Variants in DNM3 observed in about 807,000 individuals in gnomAD.
The protein encoded by DNM3 is dynamin 3, also known as dynamin-3.
DNM3 carries 47 observed loss-of-function variants against 101.6 expected under a neutral mutation model. That is an observed-to-expected ratio of 0.46 (90% CI 0.37 to 0.59). The LOEUF (loss-of-function observed/expected upper bound fraction) is 0.59. Among genes scored for constraint, DNM3 ranks in the 20% least tolerant of loss-of-function variants. The pLI is 0.00. For missense variants in DNM3, 849 were observed against 1,085.7 expected (o/e 0.78, Z 3.06); for synonymous variants, 385 against 387.9 (o/e 0.99, Z 0.09).
At chr1:171,868,073 T>C (rs1182788203) in intron 1 of DNM3, among the ~76,000 whole-genome samples, 1 of 152,172 alleles carries the variant, frequency 6.6e-6, no homozygotes, top group Non-Finnish European at 1.5e-5. Context: ...ACTCTAAAAA[T>C]TTCTTCACAT....
chr1:172,094,795 C>G (rs2054138210), intron 13 of DNM3, among the ~76,000 whole-genome samples: 2 of 152,132 alleles, frequency 1.3e-5, no homozygotes, highest in Admixed American at 1.3e-4. Flanking sequence ...AAATTAGAAG[C>G]TATGGAAATT....
intron 14 of DNM3, among the ~76,000 whole-genome samples, chr1:172,230,666 G>A (rs1055083216): frequency 2.0e-5 from 3 of 152,070 alleles, no homozygotes; most frequent in African/African-American, 7.2e-5. Context: ...TTTCATGGGT[G>A]TATAGTACTT....
chr1:172,169,195 T>C (rs1236079219), intron 14 of DNM3, among the ~76,000 whole-genome samples: 2 of 151,860 alleles, frequency 1.3e-5, no homozygotes, highest in South Asian at 2.1e-4. Context: ...TATTCCTCCA[T>C]TGCAGATACT....
At chr1:171,958,303 A>G (rs2042991111) in intron 2 of DNM3, among the ~76,000 whole-genome samples, 1 of 152,114 alleles carries the variant, frequency 6.6e-6, no homozygotes, top group Admixed American at 6.5e-5. Flanking sequence ...ACAATTCAAG[A>G]TGAGATTTGG....
intron 3 of DNM3, 71 bp from the exon 4 acceptor site, chr1:171,988,874 A>C (rs2045452760): frequency 7.4e-7 from 1 of 1,356,468 alleles, no homozygotes; most frequent in Non-Finnish European, 1.0e-6. Flanking sequence ...GAGCTAAGTG[A>C]CAAATGATTC....
chr1:172,290,872 G>A (rs1254034091), intron 15 of DNM3, among the ~76,000 whole-genome samples: 1 of 152,154 alleles, frequency 6.6e-6, no homozygotes, highest in Non-Finnish European at 1.5e-5. Context: ...TTAAGAGGAA[G>A]ACGAGACAAA....
chr1:172,089,731 G>A (rs2053778892), intron 12 of DNM3, among the ~76,000 whole-genome samples: 1 of 152,000 alleles, frequency 6.6e-6, no homozygotes, highest in South Asian at 2.1e-4. Context: ...TTTTCCTTTG[G>A]CATATTCTTA....
intron 1 of DNM3, among the ~76,000 whole-genome samples, chr1:171,847,894 CTCTGTGTG>C (rs1448847927): frequency 2.1e-5 from 3 of 139,702 alleles, no homozygotes; most frequent in African/African-American, 8.1e-5. Context: ...CTCTCTCTCT[CTCTGTGTG>C]TGTGTGTGTG....
chr1:171,920,730 T>C (rs192386883), intron 1 of DNM3, among the ~76,000 whole-genome samples: 1 of 152,376 alleles, frequency 6.6e-6, no homozygotes, highest in Admixed American at 6.5e-5. Context: ...TAATATTATG[T>C]AGTACTATCT....
chr1:172,238,710 G>A (rs1450273400), intron 14 of DNM3, among the ~76,000 whole-genome samples: 1 of 151,936 alleles, frequency 6.6e-6, no homozygotes. Flanking sequence ...AGCTTTGTTG[G>A]GATATAAGAG....
At chr1:172,017,484 A>C (rs1429780227) in intron 4 of DNM3, among the ~76,000 whole-genome samples, 1 of 152,178 alleles carries the variant, frequency 6.6e-6, no homozygotes, top group East Asian at 1.9e-4. Flanking sequence ...GTTAATCTCC[A>C]AACATTTTGA....
intron 14 of DNM3, among the ~76,000 whole-genome samples, chr1:172,219,967 T>G (rs546142878): frequency 6.6e-6 from 1 of 152,316 alleles, no homozygotes; most frequent in East Asian, 1.9e-4. Flanking sequence ...CAGTTTAAAG[T>G]CAGCTTTTTC....
intron 14 of DNM3, among the ~76,000 whole-genome samples, chr1:172,211,159 C>A (rs1324894502): frequency 6.6e-6 from 1 of 152,034 alleles, no homozygotes; most frequent in Non-Finnish European, 1.5e-5. Context: ...ATTTAGGAAG[C>A]AAAGTAGCAT....
At chr1:172,136,774 C>T (rs541114785) in intron 14 of DNM3, 1 of 152,180 alleles carries the variant, frequency 6.6e-6, no homozygotes, top group South Asian at 2.1e-4. Context: ...CCCCTATATG[C>T]ATTATTTGTC....
At chr1:172,123,777 G>A (rs1035778625) in intron 13 of DNM3, among the ~76,000 whole-genome samples, 2 of 152,160 alleles carry the variant, frequency 1.3e-5, no homozygotes, top group Admixed American at 6.6e-5. Context: ...AACCCTCAGC[G>A]GTATTGCTCC....
intron 7 of DNM3, among the ~76,000 whole-genome samples, chr1:172,039,508 G>A (rs972954667): frequency 2.8e-5 from 4 of 141,798 alleles, no homozygotes; most frequent in African/African-American, 1.1e-4. Flanking sequence ...CTTTCTTTTC[G>A]TTCTTGGGTT....
chr1:172,312,663 C>T (rs2065131704), intron 16 of DNM3, among the ~76,000 whole-genome samples: 1 of 152,174 alleles, frequency 6.6e-6, no homozygotes, highest in African/African-American at 2.4e-5. Flanking sequence ...CTTCCATCCT[C>T]TTTCCTCCCT....
intron 15 of DNM3, among the ~76,000 whole-genome samples, chr1:172,272,031 T>C (rs2063107861): frequency 6.6e-6 from 1 of 152,094 alleles, no homozygotes; most frequent in Admixed American, 6.6e-5. Context: ...CAGGCTTATT[T>C]TGTTTATTTT....
At chr1:171,855,457 C>T (rs184114927) in intron 1 of DNM3, among the ~76,000 whole-genome samples, 25 of 152,252 alleles carry the variant, frequency 1.6e-4, no homozygotes, top group African/African-American at 6.0e-4. Flanking sequence ...TCACCATACT[C>T]CTTTCCGCAA....
Sources: allele counts gnomAD v4.1 joint callset (sites outside exome capture counted in the v4.1 genomes callset), GRCh38; gene constraint gnomAD v4.1.1; transcripts MANE v1.5; gene names NCBI Gene and HGNC (gene_info 2026-07-23, HGNC 2026-07-21).